GMCL1: variants seen among roughly 807,000 people sequenced by gnomAD.
GMCL1 encodes the protein germ cell-less 1, spermatogenesis associated, also known as germ cell-less protein-like 1.
In GMCL1, 54 loss-of-function variants were observed where a neutral mutation model predicts 75.5. The observed-to-expected ratio is 0.71, with a 90% CI of 0.57 to 0.90. The LOEUF is 0.90. GMCL1 is among the 40% of genes least tolerant of loss of function. The pLI is 0.00. For synonymous variants in GMCL1, 210 were observed against 209.6 expected, an observed-to-expected ratio of 1.00 and a Z score of -0.02; for missense variants, 537 against 622.7, an observed-to-expected ratio of 0.86 and a Z score of 1.47.
chr2:69,859,243 A>G (rs1675568762), intron 9 of GMCL1, among the ~76,000 whole-genome samples: 1 of 151,742 alleles, frequency 6.6e-6, no homozygotes, highest in Non-Finnish European at 1.5e-5. Context: ...TTTACAAATG[A>G]GTCATGAAAT....
chr2:69,859,100 C>T (rs1675563868), intron 9 of GMCL1, among the ~76,000 whole-genome samples: 5 of 146,818 alleles, frequency 3.4e-5, no homozygotes, highest in South Asian at 2.2e-4. Context: ...GAACCCAGAT[C>T]GCGCCACCAC....
rs1676265413 is a variant in GMCL1 at position 69,881,194 on chromosome 2, C to G, written c.*2190C>G. The G allele has an allele frequency of 6.6e-6, 1 of 152,170 alleles. No individual in the cohort carries two copies. Among genetic ancestry groups the G allele is most frequent in the African/African-American group, 2.4e-5 (1 of 41,444 alleles). 9.4% of individuals were successfully genotyped at this position (152,170 alleles called of 1,614,324 possible). On this transcript the variant is annotated 3_prime_UTR_variant, in exon 14 of 14. Coordinates refer to ENST00000282570, the MANE Select transcript of GMCL1 (RefSeq NM_178439.5). ...TATGTCATCCATAGACAGGATAATT[C>G]TTTCTTCAATCACAAGTAGGTTAAT...
chr2:69,833,671 G>T (rs1674737657), intron 1 of GMCL1, among the ~76,000 whole-genome samples: 1 of 152,196 alleles, frequency 6.6e-6, no homozygotes. Flanking sequence ...TGAATTTTGT[G>T]TGTTGGCCCT....
At chr2:69,843,326 A>G in intron 5 of GMCL1, 65 bp downstream of exon 5, 1 of 799,128 alleles carries the variant, frequency 1.3e-6, no homozygotes, top group Non-Finnish European at 2.2e-6. Context: ...TTAGTTTCTT[A>G]AGAGAATGTA....
intron 1 of GMCL1, 137 bp downstream of exon 1, chr2:69,830,289 T>A: frequency 8.4e-7 from 1 of 1,190,878 alleles, no homozygotes; most frequent in Non-Finnish European, 1.1e-6. Flanking sequence ...AGGGTGAATG[T>A]GGAAGCCGGC....
intron 8 of GMCL1, among the ~76,000 whole-genome samples, chr2:69,850,708 T>G (rs1675293813): frequency 6.6e-6 from 1 of 152,180 alleles, no homozygotes; most frequent in Non-Finnish European, 1.5e-5. Context: ...AAGCTGACTC[T>G]GAAAAAATAA....
At chr2:69,831,043 C>G (rs917752466) in intron 1 of GMCL1, among the ~76,000 whole-genome samples, 4 of 152,034 alleles carry the variant, frequency 2.6e-5, no homozygotes, top group African/African-American at 9.7e-5. Flanking sequence ...CTCAGCCTCC[C>G]GAGTAGCTGG....
intron 11 of GMCL1, among the ~76,000 whole-genome samples, chr2:69,865,640 TC>T (rs1352106575): frequency 6.6e-6 from 1 of 150,922 alleles, no homozygotes; most frequent in East Asian, 1.9e-4. Context: ...AAAGTAAGAC[TC>T]CATCTCAAAA....
chr2:69,867,485 C>G (rs1675854062), intron 11 of GMCL1, among the ~76,000 whole-genome samples: 1 of 152,204 alleles, frequency 6.6e-6, no homozygotes, highest in Non-Finnish European at 1.5e-5. Context: ...AGCACCTGGA[C>G]TCCAACAATT....
intron 11 of GMCL1, among the ~76,000 whole-genome samples, chr2:69,865,645 C>CT (rs1385610075): frequency 6.7e-6 from 1 of 150,162 alleles, no homozygotes; most frequent in Non-Finnish European, 1.5e-5. Flanking sequence ...AAGACTCCAT[C>CT]TCAAAAAAAA....
intron 2 of GMCL1, 82 bp downstream of exon 2, chr2:69,837,752 T>A: frequency 6.9e-7 from 1 of 1,452,070 alleles, no homozygotes; most frequent in Non-Finnish European, 9.4e-7. Context: ...TTCACAGTAA[T>A]CTTTTGCATG....
intron 5 of GMCL1, among the ~76,000 whole-genome samples, 187 bp downstream of exon 5, chr2:69,843,448 G>A (rs533685737): frequency 2.4e-4 from 37 of 152,222 alleles, no homozygotes; most frequent in Middle Eastern, 6.8e-3. Flanking sequence ...CAAAAGTGTC[G>A]TCTTTGTAAG....
intron 8 of GMCL1, among the ~76,000 whole-genome samples, chr2:69,850,454 G>A (rs1192158649): frequency 6.6e-6 from 1 of 152,132 alleles, no homozygotes; most frequent in Non-Finnish European, 1.5e-5. Context: ...CTTAGTTCGT[G>A]ATTTTCTTAG....
chr2:69,868,360 T>C lies in GMCL1; in HGVS notation c.1219-1359T>C, dbSNP rs532196640. Among the ~76,000 whole-genome samples the C allele has an allele frequency of 2.4e-4, 36 of 152,172 alleles. No homozygotes were observed. In the South Asian group the frequency reaches 6.9e-3, roughly 29 times the overall value. ...GCATATAATATGTGCTCAATAAATATCAGTTAAATACTGAATTGCAATTCA... is the reference window on the plus strand; with the variant it reads ...GCATATAATATGTGCTCAATAAATACCAGTTAAATACTGAATTGCAATTCA... On this transcript the variant is annotated intron_variant, in intron 11 of 13. Transcript: ENST00000282570.
intron 8 of GMCL1, among the ~76,000 whole-genome samples, chr2:69,850,245 G>T (rs1189249388): frequency 6.6e-6 from 1 of 152,158 alleles, no homozygotes; most frequent in Non-Finnish European, 1.5e-5. Flanking sequence ...CCTTCCGTCA[G>T]ATTCTTAGTG....
chr2:69,848,009 T>C (rs559301672), intron 7 of GMCL1, among the ~76,000 whole-genome samples: 20 of 152,346 alleles, frequency 1.3e-4, no homozygotes, highest in Admixed American at 1.2e-3. Context: ...GTTGAAATTT[T>C]TCTTTTAAAG....
intron 6 of GMCL1, chr2:69,844,650 G>C (rs1675083590): frequency 6.6e-6 from 1 of 152,478 alleles, no homozygotes; most frequent in Admixed American, 6.6e-5. Flanking sequence ...TCCTATAAAT[G>C]TATATTTTTC....
chr2:69,858,035 C>G (rs893296662), intron 9 of GMCL1, among the ~76,000 whole-genome samples: 6 of 152,088 alleles, frequency 3.9e-5, no homozygotes, highest in African/African-American at 1.4e-4. Context: ...TAAATAAATT[C>G]AATCTAATGT....
At chr2:69,843,857 AAAG>A (rs1320139066) in intron 5 of GMCL1, among the ~76,000 whole-genome samples, 1 of 152,214 alleles carries the variant, frequency 6.6e-6, no homozygotes, top group Admixed American at 6.5e-5. Context: ...TTGAGATTTT[AAAG>A]AAGGTTATAC....
Sources: gnomAD v4.1 joint callset for allele counts (sites outside exome capture counted in the v4.1 genomes callset) on GRCh38, gnomAD v4.1.1 for gene constraint, MANE v1.5 for transcripts, NCBI Gene and HGNC (gene_info 2026-07-23, HGNC 2026-07-21) for gene names.